ENOX1: variants seen among roughly 807,000 people sequenced by gnomAD.
ENOX1 encodes candidate growth-related and time keeping constitutive hydroquinone (NADH) oxidase.
Under a neutral mutation model 82.5 loss-of-function variants are expected in ENOX1, and 42 were observed. That is an observed-to-expected ratio of 0.51 (90% CI 0.40 to 0.66). ENOX1 has a LOEUF of 0.66. Ranked by LOEUF, ENOX1 falls within the 30% of genes least tolerant of loss-of-function variation. The pLI is 0.00. For missense variants in ENOX1, 608 were observed against 811.6 expected, an observed-to-expected ratio of 0.75 and a Z score of 3.05; for synonymous variants, 271 against 282.2, an observed-to-expected ratio of 0.96 and a Z score of 0.40.
chr13:43,777,058 G>A (rs1951959571), intron 1 of ENOX1, among the ~76,000 whole-genome samples: 1 of 152,194 alleles, frequency 6.6e-6, no homozygotes, highest in African/African-American at 2.4e-5. Flanking sequence ...TGAATAAGAA[G>A]CTCCTTTTAC....
chr13:43,743,287 AT>A (rs1949850049), intron 1 of ENOX1, among the ~76,000 whole-genome samples: 2 of 152,316 alleles, frequency 1.3e-5, no homozygotes, highest in Admixed American at 1.3e-4. Flanking sequence ...CCTAAAAAAA[AT>A]AATTAACTGT....
intron 13 of ENOX1, among the ~76,000 whole-genome samples, chr13:43,267,670 C>T (rs1476716915): frequency 2.0e-5 from 3 of 152,188 alleles, no homozygotes; most frequent in African/African-American, 2.4e-5. Flanking sequence ...CAGTGCACAT[C>T]TGTGTGTGGG....
chr13:43,695,945 C>T (rs1041923139), intron 1 of ENOX1, among the ~76,000 whole-genome samples: 1 of 152,070 alleles, frequency 6.6e-6, no homozygotes. Context: ...GTAGTCACTC[C>T]CCATCCCCCC....
chr13:43,346,729 T>C (rs765555436), intron 8 of ENOX1, among the ~76,000 whole-genome samples: 41 of 152,206 alleles, frequency 2.7e-4, no homozygotes, highest in Non-Finnish European at 5.7e-4. Flanking sequence ...AGCATGATGT[T>C]TGTGAGAGGC....
intron 1 of ENOX1, among the ~76,000 whole-genome samples, chr13:43,670,262 T>C (rs1453042784): frequency 6.6e-6 from 1 of 152,182 alleles, no homozygotes; most frequent in African/African-American, 2.4e-5. Context: ...AATGCACTTA[T>C]GGAGAACTCT....
intron 2 of ENOX1, among the ~76,000 whole-genome samples, chr13:43,583,743 A>G (rs1164697287): frequency 1.3e-5 from 2 of 152,186 alleles, no homozygotes; most frequent in African/African-American, 4.8e-5. Context: ...ATTGTCATCA[A>G]GTAAACACTT....
rs373810339 is a variant in ENOX1, at chr13:43,364,469, G to A, written c.209-3017C>T. On this transcript the variant is annotated intron_variant, in intron 5 of 16. Transcript: ENST00000690772. ...TGTCTGGCTCCTCTCTGTGTTGCCG[G>A]CTCCAAGCAGAGACTGGCCACAGCC... Among the ~76,000 whole-genome samples the A allele has an allele frequency of 3.9e-5, 6 of 152,228 alleles. No homozygotes were observed. In the East Asian group the frequency reaches 1.2e-3, roughly 29 times the overall value.
intron 2 of ENOX1, among the ~76,000 whole-genome samples, chr13:43,498,391 G>T (rs530761704): frequency 6.6e-6 from 1 of 152,018 alleles, no homozygotes; most frequent in Non-Finnish European, 1.5e-5. Context: ...GCATGAAAAT[G>T]TTAGAAAATA....
chr13:43,677,858 T>C (rs1214426788), intron 1 of ENOX1, among the ~76,000 whole-genome samples: 3 of 152,196 alleles, frequency 2.0e-5, no homozygotes, highest in African/African-American at 7.2e-5. Flanking sequence ...AATATACTAT[T>C]AGTCTATTTC....
intron 2 of ENOX1, among the ~76,000 whole-genome samples, chr13:43,591,203 T>C (rs2081231988): frequency 6.6e-6 from 1 of 152,124 alleles, no homozygotes; most frequent in Non-Finnish European, 1.5e-5. Flanking sequence ...TTATTTGTAG[T>C]AGCAAAATAA....
intron 1 of ENOX1, among the ~76,000 whole-genome samples, chr13:43,704,298 C>A (rs1488575755): frequency 6.6e-6 from 1 of 151,790 alleles, no homozygotes; most frequent in African/African-American, 2.4e-5. Flanking sequence ...TGGTATAAGC[C>A]CACCAATCAA....
At chr13:43,306,195 GCA>G (rs771708375) in intron 11 of ENOX1, among the ~76,000 whole-genome samples, 60 of 152,148 alleles carry the variant, frequency 3.9e-4, no homozygotes, top group Non-Finnish European at 6.9e-4. Flanking sequence ...TGGGACTGCT[GCA>G]CAGTGGACAC....
intron 1 of ENOX1, among the ~76,000 whole-genome samples, chr13:43,779,666 G>C (rs1466085723): frequency 6.6e-6 from 1 of 152,170 alleles, no homozygotes; most frequent in Non-Finnish European, 1.5e-5. Context: ...CCTATGAACA[G>C]ACAGATTTGA....
chr13:43,709,866 T>C (rs2087570920), intron 1 of ENOX1, among the ~76,000 whole-genome samples: 1 of 151,950 alleles, frequency 6.6e-6, no homozygotes, highest in African/African-American at 2.4e-5. Flanking sequence ...GAACCGGAAA[T>C]AATAATTTTT....
chr13:43,635,407 A>G lies in ENOX1; in HGVS notation c.-219+32072T>C, dbSNP rs75532814. ...CAACAAATGTCCGTTACAAAAAGCAAAGCCACAATTGTATTAATTACTCAG... is the reference window on the plus strand; with the variant it reads ...CAACAAATGTCCGTTACAAAAAGCAGAGCCACAATTGTATTAATTACTCAG... On this transcript the variant is annotated intron_variant, in intron 2 of 16. Coordinates refer to ENST00000690772, the MANE Select transcript of ENOX1 (RefSeq NM_001347969.2). Among the ~76,000 whole-genome samples, 1,040 of 152,340 alleles carry G rather than the reference A, an allele frequency of 6.8e-3. 9 individuals are homozygous for G. The highest frequency in any genetic ancestry group is 0.024 in the African/African-American group (1,006 of 41,578).
At chr13:43,649,858 C>T (rs1566705922) in intron 2 of ENOX1, among the ~76,000 whole-genome samples, 2 of 152,178 alleles carry the variant, frequency 1.3e-5, no homozygotes, top group African/African-American at 2.4e-5. Flanking sequence ...CTCTGAGCTC[C>T]AAGCATGGAC....
intron 1 of ENOX1, among the ~76,000 whole-genome samples, chr13:43,688,031 G>A (rs2086164521): frequency 6.6e-6 from 1 of 152,096 alleles, no homozygotes; most frequent in Admixed American, 6.5e-5. Context: ...GTGTTTAAGT[G>A]AGAAGGCAAA....
intron 3 of ENOX1, chr13:43,459,108 T>G (rs1428695896): frequency 2.0e-5 from 3 of 152,190 alleles, no homozygotes; most frequent in African/African-American, 7.2e-5. Flanking sequence ...GCATACAAAT[T>G]TTAGAGTGGG....
chr13:43,694,844 A>G (rs1242596839), intron 1 of ENOX1, among the ~76,000 whole-genome samples: 1 of 152,138 alleles, frequency 6.6e-6, no homozygotes, highest in Non-Finnish European at 1.5e-5. Context: ...GACAATCCTC[A>G]TTATTGAACA....
Sources: gnomAD v4.1 joint callset for allele counts (sites outside exome capture counted in the v4.1 genomes callset) on GRCh38, gnomAD v4.1.1 for gene constraint, MANE v1.5 for transcripts, NCBI Gene and HGNC (gene_info 2026-07-23, HGNC 2026-07-21) for gene names.